Variants in PCCA observed in about 807,000 individuals in gnomAD.
PCCA encodes the protein propionyl-CoA carboxylase alpha chain, mitochondrial.
A neutral mutation model predicts 101.3 loss-of-function variants in PCCA; 74 were observed. That is an observed-to-expected ratio of 0.73 (90% CI 0.61 to 0.89). The LOEUF is 0.89. Ranked by LOEUF, PCCA falls within the 40% of genes least tolerant of loss-of-function variation. The probability of loss-of-function intolerance (pLI) is 0.00; values close to 1 mark genes in which losing one functional copy is unlikely to be tolerated. For synonymous variants in PCCA, 294 were observed against 313.6 expected (o/e 0.94, Z 0.66); for missense variants, 891 against 907.0 (o/e 0.98, Z 0.23).
chr13:100,240,903 TA>T (rs1471113552), intron 8 of PCCA, among the ~76,000 whole-genome samples: 2 of 151,908 alleles, frequency 1.3e-5, no homozygotes, highest in African/African-American at 4.8e-5. Flanking sequence ...GAACAAATCT[TA>T]AGTGTGTATT....
At chr13:100,163,111 G>A (rs1390479492) in intron 6 of PCCA, among the ~76,000 whole-genome samples, 2 of 152,192 alleles carry the variant, frequency 1.3e-5, no homozygotes, top group African/African-American at 4.8e-5. Flanking sequence ...CAGTTAGGGA[G>A]TCTTTTAAGG....
chr13:100,119,578 G>A (rs1178665003), intron 4 of PCCA, among the ~76,000 whole-genome samples: 4 of 152,130 alleles, frequency 2.6e-5, no homozygotes, highest in African/African-American at 9.7e-5. Context: ...ATAGGCTCAT[G>A]GTTTCTAATA....
rs868104519 is a variant in PCCA at position 100,440,209 on chromosome 13, T to A, written c.1846-9043T>A. 2.6e-3 allele frequency among the ~76,000 whole-genome samples: 277 copies of A among 107,310 alleles called. 1 individual carries two copies. Among genetic ancestry groups the A allele is most frequent in the Middle Eastern group, 5.3e-3 (1 of 190 alleles). The allele number at this position is 107,310 out of a possible 152,430, so 70.4% of individuals were successfully genotyped here. A position where few individuals can be genotyped will look rare whatever the true frequency, so the allele number is the denominator to read the frequency against. ...ATATATATATATATATATATATATA[T>A]AAAACGTGATAACTTAAAATGCCCA... On this transcript the variant is annotated intron_variant, in intron 20 of 23. Coordinates refer to ENST00000376285, the MANE Select transcript of PCCA (RefSeq NM_000282.4).
chr13:100,263,833 T>C (rs567936862), intron 10 of PCCA, among the ~76,000 whole-genome samples: 1 of 125,786 alleles, frequency 8.0e-6, no homozygotes, highest in African/African-American at 3.0e-5. Context: ...ATATATGGTA[T>C]CTGTATATCG....
At chr13:100,093,388 AG>A (rs765142663) in intron 1 of PCCA, among the ~76,000 whole-genome samples, 7 of 152,200 alleles carry the variant, frequency 4.6e-5, no homozygotes, top group Non-Finnish European at 7.3e-5. Context: ...GAGGAGTTAG[AG>A]GTATGGTTTG....
At chr13:100,285,524 A>G (rs906712526) in intron 12 of PCCA, among the ~76,000 whole-genome samples, 4 of 152,168 alleles carry the variant, frequency 2.6e-5, no homozygotes, top group Non-Finnish European at 5.9e-5. Flanking sequence ...AGTGTCAGAG[A>G]CTATCAAAAT....
In PCCA at chr13:100,491,939, C is replaced by T. The variant is rs375393839; in HGVS notation, c.1900-23488C>T. The T allele has an allele frequency of 6.4e-4, 146 of 227,966 alleles. 1 individual carries two copies. The highest frequency in any genetic ancestry group is 1.9e-3 in the Middle Eastern group (1 of 532). The allele number at this position is 227,966 out of a possible 1,614,324, so 14.1% of individuals were successfully genotyped here. ...AAGCACTGGATGACTCTAATGATGC[C>T]GAATTGTAATCCATAAAGCACCTGG... On this transcript the variant is annotated intron_variant, in intron 21 of 23. Transcript: ENST00000376285.
intron 4 of PCCA, chr13:100,149,213 T>TCCTTTAA (rs2052983597): frequency 1.3e-5 from 2 of 151,564 alleles, no homozygotes; most frequent in Admixed American, 1.3e-4. Context: ...CAGTTGGCTT[T>TCCTTTAA]CCTTTAACCT....
intron 12 of PCCA, among the ~76,000 whole-genome samples, chr13:100,276,936 G>T (rs987606154): frequency 6.6e-6 from 1 of 152,082 alleles, no homozygotes; most frequent in Admixed American, 6.5e-5. Flanking sequence ...TTGAGTTCCT[G>T]TTGGGCCTTG....
intron 7 of PCCA, among the ~76,000 whole-genome samples, chr13:100,210,087 C>T (rs1594747884): frequency 1.3e-5 from 2 of 152,170 alleles, no homozygotes; most frequent in Admixed American, 6.5e-5. Flanking sequence ...AAGAATCCCT[C>T]CTTCTTTAGC....
intron 7 of PCCA, among the ~76,000 whole-genome samples, chr13:100,222,045 G>C (rs2059848686): frequency 6.6e-6 from 1 of 151,574 alleles, no homozygotes; most frequent in African/African-American, 2.4e-5. Context: ...GCGCCTGGTG[G>C]AAATAATTTT....
At chr13:100,310,278 A>G (rs966208955) in intron 16 of PCCA, among the ~76,000 whole-genome samples, 1 of 152,180 alleles carries the variant, frequency 6.6e-6, no homozygotes, top group Non-Finnish European at 1.5e-5. Context: ...TTATCTATAT[A>G]TGCGAGTTTA....
Position 100,530,362 on chromosome 13 carries a change from C to T in PCCA, c.*196C>T. ...ATTTTCATTGATATAAATACTTGTA[C>T]ATATGATTTGTACTTCTGCTGTGAG... On this transcript the variant is annotated 3_prime_UTR_variant, in exon 24 of 24. Coordinates refer to ENST00000376285, the MANE Select transcript of PCCA (RefSeq NM_000282.4). 3 of 634,896 alleles carry T rather than the reference C, an allele frequency of 4.7e-6. No individual in the cohort carries two copies. The highest frequency in any genetic ancestry group is 8.5e-6 in the Non-Finnish European group (3 of 351,586). The allele number at this position is 634,896 out of a possible 1,614,324, so 39.3% of individuals were successfully genotyped here.
At position 100,201,811 on chromosome 13, in the gene PCCA, T is replaced by C. The variant is rs145184325; in HGVS notation, c.469-7521T>C. 4.0e-3 allele frequency among the ~76,000 whole-genome samples: 518 copies of C among 130,240 alleles called. 3 individuals are homozygous for C. Among genetic ancestry groups the C allele is most frequent in the African/African-American group, 0.015 (494 of 33,426 alleles). 85.4% of individuals were successfully genotyped at this position (130,240 alleles called of 152,430 possible). A position where few individuals can be genotyped will look rare whatever the true frequency, so the allele number is the denominator to read the frequency against. ...GCTGGAGGTTGCAGTGAGCTGAGAT[T>C]GCACCATTGCACTCCAGCCTGGGCA... is the stretch of plus-strand genomic sequence containing the variant. On this transcript the variant is annotated intron_variant, in intron 6 of 23. Transcript: ENST00000376285.
chr13:100,134,498 T>C (rs891725998), intron 4 of PCCA, among the ~76,000 whole-genome samples: 2 of 152,244 alleles, frequency 1.3e-5, no homozygotes, highest in African/African-American at 4.8e-5. Context: ...CATTTTCCAC[T>C]GTGTTGAGTC....
In PCCA at chr13:100,254,783, A is replaced by G. The variant is rs146584344; in HGVS notation, c.638-2812A>G. On this transcript the variant is annotated intron_variant, in intron 8 of 23. Transcript: ENST00000376285. ...ATTTCAGAATATAGCTCAATGGTTA[A>G]ATTAAGAGTTAGTATCAGCCAGGTT... 2.8e-4 allele frequency among the ~76,000 whole-genome samples: 43 copies of G among 152,272 alleles called. No homozygotes were observed. The East Asian group carries it at 7.7e-3, about 27-fold the overall frequency.
intron 21 of PCCA, among the ~76,000 whole-genome samples, chr13:100,468,300 C>T (rs58475645): frequency 0.24 from 37,205 of 152,056 alleles, 4,669 homozygotes; most frequent in African/African-American, 0.26. Context: ...TAAGTGAGCA[C>T]TGGCTTCAAC....
intron 18 of PCCA, among the ~76,000 whole-genome samples, chr13:100,352,145 G>T (rs2073341684): frequency 6.6e-6 from 1 of 152,108 alleles, no homozygotes; most frequent in Non-Finnish European, 1.5e-5. Flanking sequence ...AAGCAAAATG[G>T]TAGATGTAAA....
chr13:100,441,561 CTAAAG>C (rs1194481699), intron 20 of PCCA, among the ~76,000 whole-genome samples: 3 of 151,948 alleles, frequency 2.0e-5, no homozygotes, highest in Admixed American at 6.6e-5. Context: ...ACAAAATCTT[CTAAAG>C]TATTTTTTAA....
Sources: gnomAD v4.1 joint callset for allele counts (sites outside exome capture counted in the v4.1 genomes callset) on GRCh38, gnomAD v4.1.1 for gene constraint, MANE v1.5 for transcripts, NCBI Gene and HGNC (gene_info 2026-07-23, HGNC 2026-07-21) for gene names.